BOC: variants seen among roughly 807,000 people sequenced by gnomAD.
BOC encodes the protein brother of CDO.
BOC carries 76 observed loss-of-function variants against 112.0 expected under a neutral mutation model. The ratio of observed to expected loss-of-function variants is 0.68; its 90% CI spans 0.56 to 0.82. The LOEUF (loss-of-function observed/expected upper bound fraction) is 0.82, where lower values mean the gene tolerates loss of function less well. BOC is among the 40% of genes least tolerant of loss of function. The pLI is 0.00. For synonymous variants in BOC, 580 were observed against 599.8 expected (o/e 0.97, Z 0.48); for missense variants, 1,309 against 1,511.7 (o/e 0.87, Z 2.22).
chr3:113,215,499 T>G (rs1939185595), intron 1 of BOC, among the ~76,000 whole-genome samples: 1 of 152,194 alleles, frequency 6.6e-6, no homozygotes, highest in Non-Finnish European at 1.5e-5. Context: ...TTCCCCAAGT[T>G]TGCCTGCTCT....
intron 4 of BOC, among the ~76,000 whole-genome samples, chr3:113,255,014 T>C (rs1208885408): frequency 6.6e-6 from 1 of 152,194 alleles, no homozygotes; most frequent in Non-Finnish European, 1.5e-5. Flanking sequence ...CAGGTTGTCC[T>C]GGCCATGTGG....
chr3:113,266,133 G>A (rs537989904), intron 4 of BOC, among the ~76,000 whole-genome samples: 1 of 152,336 alleles, frequency 6.6e-6, no homozygotes, highest in East Asian at 1.9e-4. Flanking sequence ...TTGACCCGCA[G>A]GCATCATGCT....
intron 9 of BOC, among the ~76,000 whole-genome samples, chr3:113,275,383 C>T (rs1304245116): frequency 6.6e-6 from 1 of 152,220 alleles, no homozygotes; most frequent in African/African-American, 2.4e-5. Context: ...GGCCTATGCT[C>T]CTGGACACTG....
chr3:113,266,743 C>T (rs377234681), intron 4 of BOC, among the ~76,000 whole-genome samples: 2 of 152,190 alleles, frequency 1.3e-5, no homozygotes, highest in Non-Finnish European at 2.9e-5. Flanking sequence ...GAACAAAACT[C>T]GGTCCACGCC....
At chr3:113,218,916 C>T (rs2107599315) in intron 2 of BOC, among the ~76,000 whole-genome samples, 1 of 152,300 alleles carries the variant, frequency 6.6e-6, no homozygotes, top group Non-Finnish European at 1.5e-5. Flanking sequence ...CAGCTCTCCT[C>T]CCCAAAGAGG....
intron 2 of BOC, among the ~76,000 whole-genome samples, chr3:113,248,414 A>G (rs895115734): frequency 6.6e-6 from 1 of 152,182 alleles, no homozygotes; most frequent in Non-Finnish European, 1.5e-5. Flanking sequence ...TCTTCGAGAG[A>G]GTCTCTGGTT....
chr3:113,281,633 T>TA (rs1949211397), intron 15 of BOC, among the ~76,000 whole-genome samples: 1 of 152,238 alleles, frequency 6.6e-6, no homozygotes, highest in South Asian at 2.1e-4. Context: ...TAAAACATGT[T>TA]AAACATAGTC....
intron 4 of BOC, among the ~76,000 whole-genome samples, chr3:113,265,008 C>T (rs4682481): frequency 0.19 from 29,545 of 152,154 alleles, 3,709 homozygotes; most frequent in East Asian, 0.46. Context: ...GCTGTCTGGC[C>T]GCATGGCTGA....
At chr3:113,243,999 C>T (rs577207067) in intron 2 of BOC, among the ~76,000 whole-genome samples, 2 of 152,322 alleles carry the variant, frequency 1.3e-5, no homozygotes, top group Admixed American at 6.5e-5. Context: ...AACCATGTGA[C>T]ATATGGTCAC....
At chr3:113,268,234 C>G (rs1559863398) in intron 4 of BOC, 65 bp from the exon 5 acceptor site, 5 of 1,596,434 alleles carry the variant, frequency 3.1e-6, no homozygotes, top group Non-Finnish European at 4.3e-6. Flanking sequence ...AGGCACAAGC[C>G]CACCCTGAAA....
intron 4 of BOC, among the ~76,000 whole-genome samples, chr3:113,256,221 C>G (rs1191398374): frequency 6.6e-6 from 1 of 152,150 alleles, no homozygotes; most frequent in Non-Finnish European, 1.5e-5. Context: ...CTGGGAGTGA[C>G]CCTTAGGAAG....
chr3:113,254,168 A>G (rs1322284644), intron 4 of BOC, among the ~76,000 whole-genome samples: 1 of 152,242 alleles, frequency 6.6e-6, no homozygotes, highest in African/African-American at 2.4e-5. Context: ...TTGCAACCCA[A>G]GAAGGCACAG....
chr3:113,237,515 T>C (rs1024451326), intron 2 of BOC, among the ~76,000 whole-genome samples: 2 of 152,186 alleles, frequency 1.3e-5, no homozygotes, highest in South Asian at 4.2e-4. Flanking sequence ...ATAGGACGCC[T>C]GAAGCCACAA....
chr3:113,234,754 C>G (rs1235498179), intron 2 of BOC, among the ~76,000 whole-genome samples: 1 of 152,144 alleles, frequency 6.6e-6, no homozygotes, highest in African/African-American at 2.4e-5. Flanking sequence ...ATCTGCTCCT[C>G]TCAGCATGAA....
chr3:113,232,941 CGGG>C, intron 2 of BOC, among the ~76,000 whole-genome samples: 1 of 152,198 alleles, frequency 6.6e-6, no homozygotes, highest in South Asian at 2.1e-4. Context: ...TTTTAAAGTT[CGGG>C]GTAAGGGTTT....
At chr3:113,221,349 A>G (rs1940607232) in intron 2 of BOC, among the ~76,000 whole-genome samples, 1 of 152,160 alleles carries the variant, frequency 6.6e-6, no homozygotes, top group African/African-American at 2.4e-5. Context: ...GTTTACGGAG[A>G]GAAAGAAATG....
intron 2 of BOC, among the ~76,000 whole-genome samples, chr3:113,236,260 G>GGGTATATA (rs1559821251): frequency 1.4e-4 from 5 of 35,882 alleles, no homozygotes; most frequent in African/African-American, 3.4e-4. Flanking sequence ...GTGTGTGTGT[G>GGGTATATA]TGTGTGTATA....
intron 9 of BOC, among the ~76,000 whole-genome samples, chr3:113,276,264 T>C (rs1948661108): frequency 6.6e-6 from 1 of 152,230 alleles, no homozygotes; most frequent in Non-Finnish European, 1.5e-5. Context: ...GCAAAGGCCA[T>C]GCCGTGGTGA....
At chr3:113,264,637 T>C (rs1210570938) in intron 4 of BOC, among the ~76,000 whole-genome samples, 1 of 152,162 alleles carries the variant, frequency 6.6e-6, no homozygotes, top group East Asian at 1.9e-4. Context: ...TTATTGATCA[T>C]GAACTCCCCA....
Sources: gnomAD v4.1 joint callset for allele counts (sites outside exome capture counted in the v4.1 genomes callset) on GRCh38, gnomAD v4.1.1 for gene constraint, MANE v1.5 for transcripts, NCBI Gene and HGNC (gene_info 2026-07-23, HGNC 2026-07-21) for gene names.